TENM3: variants seen among roughly 807,000 people sequenced by gnomAD.
TENM3 encodes teneurin-3.
TENM3 carries 63 observed loss-of-function variants against 255.1 expected under a neutral mutation model. That is an observed-to-expected ratio of 0.25 (90% confidence interval 0.20 to 0.30). The LOEUF (loss-of-function observed/expected upper bound fraction) is 0.30, where lower values mean the gene tolerates loss of function less well. Ranked by LOEUF, TENM3 falls within the 10% of genes least tolerant of loss-of-function variation. The pLI is 1.00. For missense variants in TENM3, 2,929 were observed against 3,461.1 expected, an observed-to-expected ratio of 0.85 and a Z score of 3.86; for synonymous variants, 1,306 against 1,322.3, an observed-to-expected ratio of 0.99 and a Z score of 0.27.
the TENM3 span, among the ~76,000 whole-genome samples, chr4:181,547,576 C>T: frequency 6.6e-6 from 1 of 152,022 alleles, no homozygotes; most frequent in Non-Finnish European, 1.5e-5. Flanking sequence ...TGTGGAATTT[C>T]TGAACACCAG....
chr4:181,542,774 T>G, the TENM3 span, among the ~76,000 whole-genome samples: 1 of 152,336 alleles, frequency 6.6e-6, no homozygotes, highest in South Asian at 2.1e-4. Flanking sequence ...GATGTCCAAC[T>G]AAAAGTATAT....
chr4:182,622,162 C>T (rs34813411), intron 4 of TENM3, among the ~76,000 whole-genome samples: 5,146 of 152,046 alleles, frequency 0.034, 94 homozygotes, highest in Middle Eastern at 0.054. Context: ...GAGTTCGAGA[C>T]CAGCCTGGCC....
the TENM3 span, chr4:181,522,599 A>G: frequency 2.2e-6 from 1 of 462,376 alleles, no homozygotes; most frequent in Non-Finnish European, 4.1e-6. Flanking sequence ...ATAGATAGAC[A>G]AATCCAGCAT....
chr4:182,490,931 A>G (rs929109522), intron 3 of TENM3, among the ~76,000 whole-genome samples: 1 of 152,220 alleles, frequency 6.6e-6, no homozygotes, highest in Non-Finnish European at 1.5e-5. Context: ...GATAGGGCAC[A>G]TAGTAGATAC....
chr4:181,943,151 G>A, the TENM3 span, among the ~76,000 whole-genome samples: 2,126 of 152,234 alleles, frequency 0.014, 55 homozygotes, highest in African/African-American at 0.048. Context: ...TCTACCTCCT[G>A]AAAGTGGTAG....
At chr4:182,352,053 G>C (rs1264869413) in intron 3 of TENM3, among the ~76,000 whole-genome samples, 3 of 151,960 alleles carry the variant, frequency 2.0e-5, no homozygotes, top group African/African-American at 7.3e-5. Flanking sequence ...ACCTAGTTTG[G>C]ACTAGGTAGA....
chr4:181,543,327 T>A, the TENM3 span, among the ~76,000 whole-genome samples: 1 of 151,440 alleles, frequency 6.6e-6, no homozygotes, highest in African/African-American at 2.4e-5. Context: ...AAGGATAAAA[T>A]GTAAGGGGAG....
At chr4:181,589,350 A>C in the TENM3 span, among the ~76,000 whole-genome samples, 1 of 152,206 alleles carries the variant, frequency 6.6e-6, no homozygotes, top group African/African-American at 2.4e-5. Flanking sequence ...TAGTCCTTGC[A>C]GAAATTGTTA....
the TENM3 span, among the ~76,000 whole-genome samples, chr4:181,724,915 A>G: frequency 6.6e-6 from 1 of 152,196 alleles, no homozygotes; most frequent in Non-Finnish European, 1.5e-5. Flanking sequence ...GCCACCTTTC[A>G]GGGAGTAAGG....
At chr4:181,536,464 C>T in the TENM3 span, among the ~76,000 whole-genome samples, 1 of 152,142 alleles carries the variant, frequency 6.6e-6, no homozygotes, top group African/African-American at 2.4e-5. Context: ...TTCACATGTT[C>T]AAATATACAC....
At chr4:182,524,561 A>C (rs764414619) in intron 3 of TENM3, among the ~76,000 whole-genome samples, 2 of 151,538 alleles carry the variant, frequency 1.3e-5, no homozygotes, top group Non-Finnish European at 2.9e-5. Flanking sequence ...GAGTTTTGCT[A>C]TGTTGCCAGA....
chr4:182,219,425 G>A (rs1561211277), intron 1 of TENM3, among the ~76,000 whole-genome samples: 1 of 152,108 alleles, frequency 6.6e-6, no homozygotes, highest in Non-Finnish European at 1.5e-5. Context: ...ACCGTAAGAG[G>A]CTGAAGCAGA....
At chr4:182,113,668 C>T in the TENM3 span, among the ~76,000 whole-genome samples, 8 of 151,852 alleles carry the variant, frequency 5.3e-5, no homozygotes, top group African/African-American at 9.7e-5. Context: ...ATTACAAATA[C>T]GAGCAAATGT....
At chr4:182,626,843 G>C (rs1042027233) in intron 4 of TENM3, among the ~76,000 whole-genome samples, 2 of 152,002 alleles carry the variant, frequency 1.3e-5, no homozygotes, top group South Asian at 4.2e-4. Context: ...GCATTTTTTA[G>C]AGACATTAGC....
chr4:182,577,280 G>A (rs552599908), intron 3 of TENM3, among the ~76,000 whole-genome samples: 1 of 152,198 alleles, frequency 6.6e-6, no homozygotes, highest in Admixed American at 6.5e-5. Flanking sequence ...GTGTAGTAGG[G>A]AGGAAAGCTT....
chr4:181,745,889 C>A, the TENM3 span, among the ~76,000 whole-genome samples: 4 of 152,192 alleles, frequency 2.6e-5, no homozygotes, highest in African/African-American at 4.8e-5. Flanking sequence ...TTCTTCAGGA[C>A]ATTGAGCTGT....
intron 13 of TENM3, among the ~76,000 whole-genome samples, chr4:182,725,636 C>CTTTTTTTTTTTT (rs5864795): frequency 3.3e-4 from 44 of 133,654 alleles, no homozygotes; most frequent in Non-Finnish European, 4.6e-4. Context: ...TCTTTTTTTT[C>CTTTTTTTTTTTT]TTTTTTTTTT....
chr4:182,182,537 A>C (rs1752905911), intron 1 of TENM3, among the ~76,000 whole-genome samples: 1 of 152,196 alleles, frequency 6.6e-6, no homozygotes, highest in South Asian at 2.1e-4. Flanking sequence ...TTTCTGCACC[A>C]GGAGAATGAC....
intron 1 of TENM3, among the ~76,000 whole-genome samples, chr4:182,215,449 T>G (rs1755393622): frequency 6.6e-6 from 1 of 152,166 alleles, no homozygotes; most frequent in Admixed American, 6.5e-5. Context: ...CATGTGGTGG[T>G]GTTTTGCTTT....
Sources: allele counts gnomAD v4.1 joint callset (sites outside exome capture counted in the v4.1 genomes callset), GRCh38; gene constraint gnomAD v4.1.1; transcripts MANE v1.5; gene names NCBI Gene and HGNC (gene_info 2026-07-23, HGNC 2026-07-21).